The following KIFAP3 variants were observed in gnomAD, a reference collection of about 807,000 sequenced individuals.
KIFAP3 encodes the protein kinesin associated protein 3, also known as kinesin-associated protein 3.
KIFAP3 carries 68 observed loss-of-function variants against 106.5 expected under a neutral mutation model. The ratio of observed to expected loss-of-function variants is 0.64; its 90% CI spans 0.53 to 0.78. The LOEUF (loss-of-function observed/expected upper bound fraction) is 0.78, where lower values mean the gene tolerates loss of function less well. Among genes scored for constraint, KIFAP3 ranks in the 30% least tolerant of loss-of-function variants. KIFAP3 has a pLI of 0.00. For missense variants in KIFAP3, 780 were observed against 941.8 expected (o/e 0.83, Z 2.25); for synonymous variants, 320 against 311.5 (o/e 1.03, Z -0.29).
intron 10 of KIFAP3, among the ~76,000 whole-genome samples, chr1:170,013,217 C>T (rs917100064): frequency 6.6e-6 from 1 of 151,804 alleles, no homozygotes; most frequent in Non-Finnish European, 1.5e-5. Flanking sequence ...TATAAGTCAC[C>T]CAGTCTATTC....
intron 10 of KIFAP3, among the ~76,000 whole-genome samples, chr1:170,009,462 A>G (rs1220930971): frequency 1.3e-5 from 2 of 152,056 alleles, no homozygotes; most frequent in Non-Finnish European, 2.9e-5. Context: ...GCCATCTGTC[A>G]CTATGTGATG....
At chr1:169,967,077 A>T (rs532226062) in intron 17 of KIFAP3, among the ~76,000 whole-genome samples, 2 of 151,946 alleles carry the variant, frequency 1.3e-5, no homozygotes, top group African/African-American at 4.8e-5. Context: ...TTTACCAAGT[A>T]CAGTAAATTA....
intron 1 of KIFAP3, among the ~76,000 whole-genome samples, chr1:170,073,070 A>ACC (rs146304291): frequency 0.063 from 9,631 of 152,272 alleles, 388 homozygotes; most frequent in Non-Finnish European, 0.095. Flanking sequence ...TCTGACACAA[A>ACC]TATATTACAT....
At chr1:170,042,656 T>C (rs1670040944) in intron 3 of KIFAP3, among the ~76,000 whole-genome samples, 1 of 152,192 alleles carries the variant, frequency 6.6e-6, no homozygotes. Context: ...CCTTGAAAAC[T>C]TGACCTGTGA....
chr1:170,059,677 T>C (rs1387896402), intron 1 of KIFAP3, among the ~76,000 whole-genome samples: 1 of 152,078 alleles, frequency 6.6e-6, no homozygotes, highest in African/African-American at 2.4e-5. Context: ...GAGGCCTGCA[T>C]CATCCTGATA....
chr1:170,050,227 A>G (rs1317981106), intron 2 of KIFAP3, among the ~76,000 whole-genome samples: 1 of 152,144 alleles, frequency 6.6e-6, no homozygotes, highest in Non-Finnish European at 1.5e-5. Flanking sequence ...AAATCGATCA[A>G]GCAGAATAAA....
rs1553278139 is a variant in KIFAP3 at position 169,973,123 on chromosome 1, A to ATATATATATATATATATATATATAT, written c.1898-526_1898-525insATATATATATATATATATATATATA. On this transcript the variant is annotated intron_variant, in intron 16 of 19. Coordinates refer to ENST00000361580, the MANE Select transcript of KIFAP3 (RefSeq NM_014970.4). The stretch of plus-strand genomic sequence containing the variant: ...ATAGTGTGTATATATATATATATAT[A>ATATATATATATATATATATATATAT]AACAACACAAATCAGGATTAGAAAA... 5.0e-4 allele frequency among the ~76,000 whole-genome samples: 64 copies of ATATATATATATATATATATATATAT among 128,510 alleles called. 1 individual carries two copies. Among genetic ancestry groups the ATATATATATATATATATATATATAT allele is most frequent in the African/African-American group, 6.4e-4 (22 of 34,328 alleles). The allele number at this position is 128,510 out of a possible 152,430, so 84.3% of individuals were successfully genotyped here. A position where few individuals can be genotyped will look rare whatever the true frequency, so the allele number is the denominator to read the frequency against.
At chr1:169,928,185 T>C (rs534328676) in intron 19 of KIFAP3, among the ~76,000 whole-genome samples, 2 of 151,980 alleles carry the variant, frequency 1.3e-5, no homozygotes, top group South Asian at 4.2e-4. Context: ...CTGCAACCTC[T>C]GCCACCCAGG....
chr1:169,983,724 A>C (rs1666648641), intron 12 of KIFAP3, among the ~76,000 whole-genome samples: 1 of 152,024 alleles, frequency 6.6e-6, no homozygotes, highest in South Asian at 2.1e-4. Flanking sequence ...TGCCTACAAT[A>C]TCTACTACAA....
At chr1:170,014,478 TA>T (rs201464709) in intron 10 of KIFAP3, among the ~76,000 whole-genome samples, 2,924 of 152,308 alleles carry the variant, frequency 0.019, 43 homozygotes, top group Non-Finnish European at 0.025. Context: ...TCTTACTTTA[TA>T]AATATCACCC....
intron 1 of KIFAP3, among the ~76,000 whole-genome samples, chr1:170,084,330 G>A (rs931599177): frequency 1.3e-5 from 2 of 152,160 alleles, no homozygotes; most frequent in African/African-American, 4.8e-5. Context: ...TCCAATAAGA[G>A]GGATTAAAAA....
chr1:170,017,588 C>G (rs11803298), intron 9 of KIFAP3, among the ~76,000 whole-genome samples: 25,077 of 151,832 alleles, frequency 0.17, 2,220 homozygotes, highest in Admixed American at 0.22. Context: ...GGCTATAAGA[C>G]AGATCTACAT....
In KIFAP3 at chr1:170,070,203, A is replaced by G. The variant is rs190931164; in HGVS notation, c.32+4233T>C. On this transcript the variant is annotated intron_variant, in intron 1 of 19. Transcript: ENST00000361580. ...CACATGTTCATGGACTGAAGGACTT[A>G]ATATTGTTAAGATGGCAATATTCCC... 1.8e-3 allele frequency among the ~76,000 whole-genome samples: 279 copies of G among 152,312 alleles called. 1 individual carries two copies. The highest frequency in any genetic ancestry group is 6.5e-3 in the African/African-American group (272 of 41,598).
intron 10 of KIFAP3, among the ~76,000 whole-genome samples, chr1:169,993,675 TGTG>T (rs1667222451): frequency 1.2e-5 from 1 of 80,318 alleles, no homozygotes. Flanking sequence ...GAGCCCAGAT[TGTG>T]CCACTGAACG....
intron 10 of KIFAP3, among the ~76,000 whole-genome samples, chr1:169,995,971 A>G (rs1387955507): frequency 6.6e-6 from 1 of 152,104 alleles, no homozygotes. Flanking sequence ...GGTATCTGTT[A>G]GAACAGAAAG....
chr1:170,028,148 G>GA (rs1669212931), intron 8 of KIFAP3, among the ~76,000 whole-genome samples: 1 of 151,916 alleles, frequency 6.6e-6, no homozygotes, highest in African/African-American at 2.4e-5. Flanking sequence ...TACAAGAAAC[G>GA]TTAAAGTAAA....
In KIFAP3 at chr1:169,992,592, A is replaced by G. The variant is rs180888572; in HGVS notation, c.1184-337T>C. ...CTTTACTGTTTTATCAAAATATGTG[A>G]TTAATACATTCATTGACAGTGGTGA... On this transcript the variant is annotated intron_variant, in intron 10 of 19. Transcript: ENST00000361580. Among the ~76,000 whole-genome samples, 551 of 152,318 alleles carry G rather than the reference A, an allele frequency of 3.6e-3. 3 individuals are homozygous for G. Among genetic ancestry groups the G allele is most frequent in the Middle Eastern group, 0.017 (5 of 294 alleles).
intron 7 of KIFAP3, 95 bp downstream of exon 7, chr1:170,034,277 A>AT (rs1211765482): frequency 8.3e-7 from 1 of 1,209,718 alleles, no homozygotes; most frequent in Non-Finnish European, 1.2e-6. Flanking sequence ...GTAATTAACA[A>AT]TTTTTAAAAA....
At position 170,019,751 on chromosome 1, in the gene KIFAP3, T is replaced by G. The variant is rs140296734; in HGVS notation, c.1021-3127A>C. Among the ~76,000 whole-genome samples the G allele has an allele frequency of 5.3e-5, 8 of 152,300 alleles. No individual in the cohort carries two copies. In the East Asian group the frequency reaches 1.5e-3, roughly 29 times the overall value. On this transcript the variant is annotated intron_variant, in intron 9 of 19. Coordinates refer to ENST00000361580, the MANE Select transcript of KIFAP3 (RefSeq NM_014970.4). ...CATCATGCTCAATAGTGAAAGACAT[T>G]GTTTTCCTCATAAGATCAGTAACAA...
Sources: gnomAD v4.1 joint callset for allele counts (sites outside exome capture counted in the v4.1 genomes callset) on GRCh38, gnomAD v4.1.1 for gene constraint, MANE v1.5 for transcripts, NCBI Gene and HGNC (gene_info 2026-07-23, HGNC 2026-07-21) for gene names.